Variants in NLRP11 observed in about 807,000 individuals in gnomAD.
The protein encoded by NLRP11 is NLR family pyrin domain containing 11.
In NLRP11, 53 loss-of-function variants were observed where a neutral mutation model predicts 79.3. The observed-to-expected ratio is 0.67, with a 90% CI of 0.54 to 0.84. The LOEUF is 0.84. Among genes scored for constraint, NLRP11 ranks in the 40% least tolerant of loss-of-function variants. The pLI is 0.00. For missense variants in NLRP11, 1,264 were observed against 1,255.0 expected (o/e 1.01, Z -0.11); for synonymous variants, 518 against 462.6 (o/e 1.12, Z -1.54).
At chr19:55,823,589 C>T (rs1982027685) in intron 1 of NLRP11, among the ~76,000 whole-genome samples, 1 of 144,262 alleles carries the variant, frequency 6.9e-6, no homozygotes, top group Admixed American at 7.1e-5. Flanking sequence ...GAGCTGAAAA[C>T]CAAGGCTCGA....
intron 2 of NLRP11, 50 bp from the exon 3 acceptor site, chr19:55,810,388 A>C: frequency 6.6e-7 from 1 of 1,515,366 alleles, no homozygotes; most frequent in Non-Finnish European, 8.9e-7. Flanking sequence ...ATGAAAGTTC[A>C]AGATGTAAAA....
At chr19:55,816,094 G>C (rs1439663391) in intron 2 of NLRP11, among the ~76,000 whole-genome samples, 1 of 152,130 alleles carries the variant, frequency 6.6e-6, no homozygotes, top group Admixed American at 6.5e-5. Flanking sequence ...TATAAAAGTT[G>C]TCTTCAATAT....
At chr19:55,792,372 G>C in exon 7 of NLRP11, 5 of 1,614,154 alleles carry the variant, frequency 3.1e-6, no homozygotes, top group Non-Finnish European at 4.2e-6. Context: ...AATTTTTTAA[G>C]CGATTCACAC....
intron 7 of NLRP11, among the ~76,000 whole-genome samples, chr19:55,790,869 CAAT>C (rs1376972282): frequency 1.3e-5 from 2 of 152,124 alleles, no homozygotes; most frequent in African/African-American, 4.8e-5. Flanking sequence ...AAAGGGTGAT[CAAT>C]AATGTGGGCT....
At chr19:55,822,793 A>T (rs1213509462) in intron 1 of NLRP11, among the ~76,000 whole-genome samples, 1 of 151,960 alleles carries the variant, frequency 6.6e-6, no homozygotes, top group Non-Finnish European at 1.5e-5. Flanking sequence ...TTGCTAGCAC[A>T]GCAGTCTGAG....
chr19:55,795,275 C>T (rs1978718443), intron 6 of NLRP11, among the ~76,000 whole-genome samples: 1 of 152,136 alleles, frequency 6.6e-6, no homozygotes, highest in Non-Finnish European at 1.5e-5. Context: ...CGTCTTCCAC[C>T]TTCTTGAAAG....
upstream of NLRP11, among the ~76,000 whole-genome samples, chr19:55,834,234 C>T (rs1449629128): frequency 2.6e-5 from 4 of 152,080 alleles, no homozygotes; most frequent in Non-Finnish European, 2.9e-5. Context: ...TATGAAAATA[C>T]GTGCATCACA....
At chr19:55,815,311 C>T (rs1980998539) in intron 2 of NLRP11, among the ~76,000 whole-genome samples, 2 of 151,974 alleles carry the variant, frequency 1.3e-5, no homozygotes, top group Non-Finnish European at 2.9e-5. Context: ...GGCGGATCAC[C>T]TGAGGTCAGG....
intron 1 of NLRP11, among the ~76,000 whole-genome samples, chr19:55,828,639 A>C (rs1187382086): frequency 6.6e-6 from 1 of 152,228 alleles, no homozygotes; most frequent in African/African-American, 2.4e-5. Context: ...GTGCTGAGAA[A>C]TTTGGCTCAT....
exon 2 of NLRP11, chr19:55,818,064 G>A (rs74865045): frequency 6.2e-7 from 1 of 1,613,980 alleles, no homozygotes; most frequent in South Asian, 1.1e-5. Flanking sequence ...GTGGCAGTTT[G>A]AAATCAAGAA....
chr19:55,819,120 A>C (rs1981424204), intron 1 of NLRP11, among the ~76,000 whole-genome samples: 1 of 136,632 alleles, frequency 7.3e-6, no homozygotes, highest in African/African-American at 2.7e-5. Flanking sequence ...ACTGAGTGGT[A>C]TCGCCTACAC....
intron 4 of NLRP11, among the ~76,000 whole-genome samples, chr19:55,806,515 A>G (rs1044951448): frequency 6.6e-6 from 1 of 151,882 alleles, no homozygotes; most frequent in African/African-American, 2.4e-5. Flanking sequence ...CACCTCACCA[A>G]CCTCTACTAT....
At chr19:55,817,712 G>A (rs1274857325) in intron 2 of NLRP11, among the ~76,000 whole-genome samples, 192 bp downstream of exon 2, 1 of 151,666 alleles carries the variant, frequency 6.6e-6, no homozygotes, top group African/African-American at 2.4e-5. Flanking sequence ...CTACACACTG[G>A]GTACAGTGTG....
Position 55,809,533 on chromosome 19 carries a change from G to C in NLRP11, c.1077C>G (p.Phe359Leu). The C allele has an allele frequency of 1.9e-6, 3 of 1,614,204 alleles. No homozygotes were observed. Among genetic ancestry groups the C allele is most frequent in the Non-Finnish European group, 2.5e-6 (3 of 1,180,032 alleles). ...CAGTGGGTGTTTGGCAGCAGAGCTGGAAGTCACGCCCCTTGTCCATCTGCC... is the reference window on the plus strand; with the variant it reads ...CAGTGGGTGTTTGGCAGCAGAGCTGCAAGTCACGCCCCTTGTCCATCTGCC... Residue 359 changes from phenylalanine to leucine, a missense_variant, in exon 3 of 10, where the codon TTC (phenylalanine) becomes TTG (leucine). By Grantham distance (22) the Phe-to-Leu change is conservative (BLOSUM62 0). Transcript: ENST00000589093. This position sits in a 1 kb window ranked among gnomAD's most constrained non-coding sequence, Gnocchi z 4.5.
rs749502622 is a variant in NLRP11, at chr19:55,796,075, C to A, written c.2342+5G>T. On this transcript the variant is annotated splice_donor_5th_base_variant and intron_variant, in intron 6 of 9. Transcript: ENST00000589093. ...TACGTGGTGAGCTCGTCTAAGCCAA[C>A]TTACACCAGTGATATAAGAGTGCAG... The A allele has an allele frequency of 5.6e-6, 9 of 1,608,050 alleles. No homozygotes were observed. The highest frequency in any genetic ancestry group is 7.7e-6 in the Non-Finnish European group (9 of 1,175,102).
chr19:55,812,771 G>A (rs1218572164), intron 2 of NLRP11, among the ~76,000 whole-genome samples: 1 of 152,180 alleles, frequency 6.6e-6, no homozygotes, highest in African/African-American at 2.4e-5. Context: ...AGCCTGTCAA[G>A]GACGTTTTTA....
chr19:55,807,411 C>A (rs1036739196), intron 4 of NLRP11, among the ~76,000 whole-genome samples: 3 of 152,134 alleles, frequency 2.0e-5, no homozygotes, highest in African/African-American at 7.2e-5. Flanking sequence ...TTTTTGCTTT[C>A]TTCCTTAGGA....
At chr19:55,818,000 A>G (rs1187849045) in exon 2 of NLRP11, 1 of 1,613,470 alleles carries the variant, frequency 6.2e-7, no homozygotes, top group African/African-American at 1.3e-5. Flanking sequence ...CCCTCATAAG[A>G]GATTGGCAAC....
At chr19:55,785,704 AAATTAG>A in exon 10 of NLRP11, 1 of 1,614,048 alleles carries the variant, frequency 6.2e-7, no homozygotes, top group Non-Finnish European at 8.5e-7. Flanking sequence ...CATGTAATCC[AAATTAG>A]AATTAGGTAT....
Sources: gnomAD v4.1 joint callset for allele counts (sites outside exome capture counted in the v4.1 genomes callset) on GRCh38, gnomAD v4.1.1 for gene constraint, Gnocchi (gnomAD v3.1) non-coding constraint, MANE v1.5 for transcripts, NCBI Gene and HGNC (gene_info 2026-07-23, HGNC 2026-07-21) for gene names.